The following MYZAP variants were observed in gnomAD, a reference collection of about 807,000 sequenced individuals.
MYZAP encodes the protein myocardial zonula adherens protein, also known as GRINL1A complex locus upstream.
A neutral mutation model predicts 69.4 loss-of-function variants in MYZAP; 66 were observed. The observed-to-expected ratio is 0.95, with a 90% confidence interval of 0.78 to 1.17. MYZAP has a LOEUF of 1.17. Among genes scored for constraint, MYZAP ranks in the 50% most tolerant of loss-of-function variants. MYZAP has a pLI of 0.00. For synonymous variants in MYZAP, 256 were observed against 205.9 expected (o/e 1.24, Z -2.09); for missense variants, 611 against 556.2 (o/e 1.10, Z -0.99).
intron 2 of MYZAP, among the ~76,000 whole-genome samples, chr15:57,617,540 T>C (rs1329446287): frequency 1.3e-5 from 2 of 152,146 alleles, no homozygotes; most frequent in African/African-American, 4.8e-5. Flanking sequence ...GGTTATGTAC[T>C]AACACTACCC....
At chr15:57,657,435 A>G (rs965131578) in intron 10 of MYZAP, among the ~76,000 whole-genome samples, 5 of 152,214 alleles carry the variant, frequency 3.3e-5, no homozygotes, top group Admixed American at 1.3e-4. Context: ...CCACAACCCC[A>G]GAAGTATTGC....
At chr15:57,661,048 G>A (rs1256658093) in intron 10 of MYZAP, among the ~76,000 whole-genome samples, 3 of 152,148 alleles carry the variant, frequency 2.0e-5, no homozygotes, top group Admixed American at 6.5e-5. Context: ...AATTCAAGCC[G>A]AATAATCATT....
chr15:57,661,496 T>G lies in MYZAP; in HGVS notation c.1166T>G (p.Leu389Arg). The G allele has an allele frequency of 4.3e-6, 7 of 1,610,040 alleles. No individual in the cohort carries two copies. Among genetic ancestry groups the G allele is most frequent in the Non-Finnish European group, 5.9e-6 (7 of 1,178,936 alleles). ...KKLQQKQLLI[L>R]QLLEKISFLE... ...TTGCAACAGAAACAGCTCTTAATAC[T>G]GCAGCTTTTAGAAAAGATATCTTTC... The change falls in exon 11 of 13, where the codon CTG becomes CGG. Residue 389 changes from leucine to arginine, a missense_variant. Leu to Arg is a moderately radical substitution (Grantham distance 102). Transcript: ENST00000267853.
At position 57,604,168 on chromosome 15, in the gene MYZAP, A is replaced by C. The variant is rs2172611; in HGVS notation, c.76-101A>C. The C allele has an allele frequency of 3.2e-6, 4 of 1,238,712 alleles. No individual in the cohort carries two copies. The African/African-American group carries it at 6.0e-5, about 18-fold the overall frequency. 76.7% of individuals were successfully genotyped at this position (1,238,712 alleles called of 1,614,324 possible). A position where few individuals can be genotyped will look rare whatever the true frequency, so the allele number is the denominator to read the frequency against. On this transcript the variant is annotated intron_variant, in intron 1 of 12. Coordinates refer to ENST00000267853, the MANE Select transcript of MYZAP (RefSeq NM_001018100.5). ...TGTATGATCAGGACAGTGTTCCCCAATGGAAGTAGGGGAAATGGGCTGTGA... is the reference window on the plus strand; with the variant it reads ...TGTATGATCAGGACAGTGTTCCCCACTGGAAGTAGGGGAAATGGGCTGTGA...
chr15:57,638,326 A>T (rs1261317942), intron 9 of MYZAP, among the ~76,000 whole-genome samples: 4 of 152,152 alleles, frequency 2.6e-5, no homozygotes, highest in South Asian at 4.1e-4. Context: ...TGGGCAAGTG[A>T]CTTAACCTCC....
chr15:57,607,270 T>C (rs2034813917), intron 2 of MYZAP, among the ~76,000 whole-genome samples: 1 of 152,138 alleles, frequency 6.6e-6, no homozygotes, highest in African/African-American at 2.4e-5. Flanking sequence ...GAAAGGTTTC[T>C]GAGTGCCAAA....
chr15:57,640,482 T>C (rs1360999436), intron 10 of MYZAP, among the ~76,000 whole-genome samples: 1 of 152,224 alleles, frequency 6.6e-6, no homozygotes, highest in Non-Finnish European at 1.5e-5. Flanking sequence ...AAACACATTT[T>C]CCTTATATTA....
At chr15:57,667,311 G>C (rs112740043) in intron 11 of MYZAP, among the ~76,000 whole-genome samples, 3 of 152,236 alleles carry the variant, frequency 2.0e-5, no homozygotes, top group African/African-American at 2.4e-5. Context: ...GGGGAATGGT[G>C]GGGGAGGTGA....
chr15:57,647,662 TAGTG>T (rs1840829878), intron 10 of MYZAP: 1 of 985,430 alleles, frequency 1.0e-6, no homozygotes. Flanking sequence ...CTGGAGCAGA[TAGTG>T]AGTGAGGTTC....
Position 57,621,646 on chromosome 15 carries a change from T to A in MYZAP, c.357T>A (p.Tyr119Ter). ...ATLEKVRKRM[Y>*]GDYDEMRQKI... Reference sequence around the variant, plus strand: ...TGGAAAAGGTGAGAAAGCGAATGTATGGAGACTATGATGAGATGAGACAGA... The same window carrying A: ...TGGAAAAGGTGAGAAAGCGAATGTAAGGAGACTATGATGAGATGAGACAGA... The change falls in exon 4 of 13, where the codon TAT becomes TAA. Residue 119 changes from tyrosine to a stop codon, truncating the protein, a stop_gained. Transcript: ENST00000267853. LOFTEE classifies it high-confidence loss of function. 1 of 1,613,980 alleles carries A rather than the reference T, an allele frequency of 6.2e-7. No homozygotes were observed. Among genetic ancestry groups the A allele is most frequent in the Non-Finnish European group, 8.5e-7 (1 of 1,179,896 alleles).
intron 8 of MYZAP, among the ~76,000 whole-genome samples, chr15:57,634,972 A>G (rs1327602108): frequency 6.6e-6 from 1 of 152,168 alleles, no homozygotes; most frequent in African/African-American, 2.4e-5. Context: ...AGAAGATCCC[A>G]GTTAACTCAG....
Position 57,599,394 on chromosome 15 carries a change from A to G in MYZAP, c.76-4875A>G, listed in dbSNP as rs941156688. ...CCATCGTCGTACCCTCATAGTCCCT[A>G]AAAATATTTCACAAGTAATAGGTGC... On this transcript the variant is annotated intron_variant, in intron 1 of 12. Transcript: ENST00000267853. The G allele has an allele frequency of 5.8e-6, 6 of 1,033,486 alleles. No individual in the cohort carries two copies. In the African/African-American group the frequency reaches 1.0e-4, roughly 18 times the overall value. 64.0% of individuals were successfully genotyped at this position (1,033,486 alleles called of 1,614,324 possible).
intron 10 of MYZAP, among the ~76,000 whole-genome samples, chr15:57,657,516 T>C (rs2140529186): frequency 6.6e-6 from 1 of 152,306 alleles, no homozygotes; most frequent in South Asian, 2.1e-4. Flanking sequence ...CCTTGAGGCT[T>C]TTTGTAAACT....
At chr15:57,615,689 A>T (rs1363615381) in intron 2 of MYZAP, among the ~76,000 whole-genome samples, 1 of 152,186 alleles carries the variant, frequency 6.6e-6, no homozygotes, top group Admixed American at 6.5e-5. Flanking sequence ...TTATATGTCC[A>T]GTAAATTGGG....
intron 10 of MYZAP, among the ~76,000 whole-genome samples, chr15:57,640,306 A>G (rs1207725893): frequency 1.3e-5 from 2 of 152,216 alleles, no homozygotes; most frequent in African/African-American, 4.8e-5. Flanking sequence ...ATATTATTGT[A>G]GTTTTCTTCT....
intron 5 of MYZAP, among the ~76,000 whole-genome samples, chr15:57,628,008 A>C (rs2036264658): frequency 6.6e-6 from 1 of 152,218 alleles, no homozygotes; most frequent in African/African-American, 2.4e-5. Flanking sequence ...TTTAGGAGTG[A>C]AAGGCTTATA....
At chr15:57,620,814 C>G (rs2035758539) in intron 3 of MYZAP, among the ~76,000 whole-genome samples, 1 of 152,054 alleles carries the variant, frequency 6.6e-6, no homozygotes, top group Admixed American at 6.6e-5. Flanking sequence ...AGCCATGAGT[C>G]TGTTAAAACA....
chr15:57,635,587 A>T (rs750801230), intron 8 of MYZAP, among the ~76,000 whole-genome samples: 4 of 152,230 alleles, frequency 2.6e-5, no homozygotes, highest in Non-Finnish European at 5.9e-5. Flanking sequence ...TAGTGATTGG[A>T]AATGTATTGT....
intron 2 of MYZAP, among the ~76,000 whole-genome samples, chr15:57,614,877 G>A (rs2035332933): frequency 6.6e-6 from 1 of 152,074 alleles, no homozygotes; most frequent in Non-Finnish European, 1.5e-5. Context: ...GTCATTGTGA[G>A]GATTAAAGAA....
Sources: gnomAD v4.1 joint callset for allele counts (sites outside exome capture counted in the v4.1 genomes callset) on GRCh38, gnomAD v4.1.1 for gene constraint, MANE v1.5 for transcripts, NCBI Gene and HGNC (gene_info 2026-07-23, HGNC 2026-07-21) for gene names.